The following GCSAM variants were observed in gnomAD, a reference collection of about 807,000 sequenced individuals.
The protein encoded by GCSAM is germinal center associated signaling and motility.
In GCSAM, 8 loss-of-function variants were observed where a neutral mutation model predicts 17.6. That is an observed-to-expected ratio of 0.46 (90% CI 0.27 to 0.82). The LOEUF (loss-of-function observed/expected upper bound fraction) is 0.82, where lower values mean the gene tolerates loss of function less well. Among genes scored for constraint, GCSAM ranks in the 40% least tolerant of loss-of-function variants. The probability of loss-of-function intolerance (pLI) is 0.15; values close to 1 mark genes in which losing one functional copy is unlikely to be tolerated. For synonymous variants in GCSAM, 68 were observed against 69.0 expected, an observed-to-expected ratio of 0.98 and a Z score of 0.07; for missense variants, 192 against 213.5, an observed-to-expected ratio of 0.90 and a Z score of 0.63.
rs2074237378 is a variant in GCSAM, at chr3:112,123,439, T to C, written c.*16A>G. 6.2e-7 allele frequency: 1 copy of C among 1,609,926 alleles called. No homozygotes were observed. Among genetic ancestry groups the C allele is most frequent in the African/African-American group, 1.3e-5 (1 of 74,812 alleles). ...TTATTTGTTGGTGCTAAACAAATGCTAGTCCAGCCACTTCACTATAAATGG... is the reference window on the plus strand; with the variant it reads ...TTATTTGTTGGTGCTAAACAAATGCCAGTCCAGCCACTTCACTATAAATGG... On this transcript the variant is annotated 3_prime_UTR_variant, in exon 6 of 6. Coordinates refer to ENST00000308910, the MANE Select transcript of GCSAM (RefSeq NM_152785.5).
intron 1 of GCSAM, 105 bp from the exon 2 acceptor site, chr3:112,130,618 C>G (rs2074430706): frequency 1.0e-6 from 1 of 1,001,610 alleles, no homozygotes; most frequent in Non-Finnish European, 1.6e-6. Flanking sequence ...TTGTGTGTAA[C>G]TCAGAAATTG....
At chr3:112,130,415 T>TG (rs764224574) in intron 2 of GCSAM, 30 bp downstream of exon 2, 9 of 1,590,482 alleles carry the variant, frequency 5.7e-6, no homozygotes, top group East Asian at 2.2e-5. Context: ...GGGCAAGGTC[T>TG]GGGGGGTGTT....
At position 112,122,177 on chromosome 3, in the gene GCSAM, T is replaced by C. The variant is rs2074213524; in HGVS notation, c.*1278A>G. Reference sequence around the variant, plus strand: ...ATGCATCAGTAACCAAACACATTTCTGTTAAGTTTCTCTCAAACTATAATC... The same window carrying C: ...ATGCATCAGTAACCAAACACATTTCCGTTAAGTTTCTCTCAAACTATAATC... On this transcript the variant is annotated 3_prime_UTR_variant, in exon 6 of 6. Transcript: ENST00000308910. 6.6e-6 allele frequency: 1 copy of C among 152,270 alleles called. No individual in the cohort carries two copies. The highest frequency in any genetic ancestry group is 1.5e-5 in the Non-Finnish European group (1 of 68,046). 9.4% of individuals were successfully genotyped at this position (152,270 alleles called of 1,614,324 possible).
intron 2 of GCSAM, 139 bp from the exon 3 acceptor site, chr3:112,128,200 A>G (rs748932102): frequency 4.1e-6 from 3 of 738,468 alleles, no homozygotes; most frequent in Middle Eastern, 2.3e-4. Flanking sequence ...ACTTGGACAC[A>G]TCTCTCATGG....
At chr3:112,125,332 A>G in intron 4 of GCSAM, 78 bp from the exon 5 acceptor site, 1 of 984,808 alleles carries the variant, frequency 1.0e-6, no homozygotes, top group East Asian at 2.4e-5. Flanking sequence ...GCTAGAATAT[A>G]AATAACTAAA....
intron 1 of GCSAM, among the ~76,000 whole-genome samples, chr3:112,132,343 C>T (rs939003542): frequency 2.0e-5 from 3 of 152,092 alleles, no homozygotes; most frequent in Non-Finnish European, 4.4e-5. Context: ...CCCTCTGGCT[C>T]GCTTACTCTC....
At chr3:112,130,313 A>C in intron 2 of GCSAM, 132 bp downstream of exon 2, 1 of 751,704 alleles carries the variant, frequency 1.3e-6, no homozygotes, top group Admixed American at 2.0e-5. Flanking sequence ...TCCTGTCTTC[A>C]CATTTGTTAC....
chr3:112,131,774 GTCTTA>G (rs2074458885), intron 1 of GCSAM, among the ~76,000 whole-genome samples: 1 of 152,150 alleles, frequency 6.6e-6, no homozygotes, highest in South Asian at 2.1e-4. Flanking sequence ...GAGTTGATTT[GTCTTA>G]TCTTAGGAAG....
In GCSAM at chr3:112,123,665, A is replaced by G. The variant is rs745615950; in HGVS notation, c.327T>C (p.Asn109=). 6.2e-7 allele frequency: 1 copy of G among 1,614,180 alleles called. No individual in the cohort carries two copies. Among genetic ancestry groups the G allele is most frequent in the Admixed American group, 1.7e-5 (1 of 60,032 alleles). The change falls in exon 6 of 6, where the codon AAT becomes AAC. Residue 109 remains asparagine, a synonymous_variant. Transcript: ENST00000308910. ...SGNSAEEYYE[N]VPCKAERPRE... is the part of the protein sequence containing the mutation. The stretch of plus-strand genomic sequence containing the variant: ...TGGGTCTCTCAGCTTTGCAGGGAAC[A>G]TTCTCATAGTACTCTTCAGCAGAGT...
rs1282460078 is a variant in GCSAM at position 112,123,755 on chromosome 3, G to A, written c.237C>T (p.Thr79=). The A allele has an allele frequency of 6.2e-7, 1 of 1,612,856 alleles. No homozygotes were observed. The highest frequency in any genetic ancestry group is 1.1e-5 in the South Asian group (1 of 90,970). The change falls in exon 6 of 6, where the codon ACC becomes ACT. Residue 79 remains threonine, a synonymous_variant. Transcript: ENST00000308910. ...GGGTATAGCACAGCTCCTCTGAGTA[G>A]GTCTGGTCAACATTGTCCTGCTTGT... ...STPIQDNVDQ[T]YSEELCYTLI...
chr3:112,125,210 G>A lies in GCSAM; in HGVS notation c.219+16C>T. 1 of 1,526,404 alleles carries A rather than the reference G, an allele frequency of 6.6e-7. No individual in the cohort carries two copies. Among genetic ancestry groups the A allele is most frequent in the South Asian group, 1.1e-5 (1 of 89,320 alleles). 94.6% of individuals were successfully genotyped at this position (1,526,404 alleles called of 1,614,324 possible). On this transcript the variant is annotated intron_variant, in intron 5 of 5. Transcript: ENST00000308910. ...TATCATCATCTCAAAAAATAGCTTAGAGATGTTCTTATTACCTGGATGGGA... is the reference window on the plus strand; with the variant it reads ...TATCATCATCTCAAAAAATAGCTTAAAGATGTTCTTATTACCTGGATGGGA...
rs1276464754 is a variant in GCSAM, at chr3:112,121,245, A to G, written c.*2210T>C. ...ATATTTCAACCAGTCTACTTCCACA[A>G]TGGTCCAGTGGCCATGTGAAAAATT... is the stretch of plus-strand genomic sequence containing the variant. On this transcript the variant is annotated 3_prime_UTR_variant, in exon 6 of 6. Coordinates refer to ENST00000308910, the MANE Select transcript of GCSAM (RefSeq NM_152785.5). 2 of 152,184 alleles carry G rather than the reference A, an allele frequency of 1.3e-5. No homozygotes were observed. Among genetic ancestry groups the G allele is most frequent in the Admixed American group, 6.5e-5 (1 of 15,268 alleles). The allele number at this position is 152,184 out of a possible 1,614,324, so 9.4% of individuals were successfully genotyped here.
At position 112,122,006 on chromosome 3, in the gene GCSAM, T is replaced by C. The variant is rs1468113161; in HGVS notation, c.*1449A>G. ...CAAACTATTTTAGCATCCCTAAAATTAGGACAGTAGCCGTGAGTTAAATAA... is the reference window on the plus strand; with the variant it reads ...CAAACTATTTTAGCATCCCTAAAATCAGGACAGTAGCCGTGAGTTAAATAA... On this transcript the variant is annotated 3_prime_UTR_variant, in exon 6 of 6. Transcript: ENST00000308910. The C allele has an allele frequency of 1.3e-5, 2 of 152,214 alleles. No individual in the cohort carries two copies. The highest frequency in any genetic ancestry group is 2.4e-5 in the African/African-American group (1 of 41,442). 9.4% of individuals were successfully genotyped at this position (152,214 alleles called of 1,614,324 possible).
chr3:112,131,905 G>C (rs2107816547), intron 1 of GCSAM, among the ~76,000 whole-genome samples: 1 of 152,250 alleles, frequency 6.6e-6, no homozygotes, highest in East Asian at 1.9e-4. Flanking sequence ...AGCATAAGAT[G>C]TGTGCACCTT....
chr3:112,128,324 G>A (rs2074376841), intron 2 of GCSAM: 6 of 625,352 alleles, frequency 9.6e-6, no homozygotes, highest in Non-Finnish European at 5.9e-6. Flanking sequence ...TCTCAATTCT[G>A]GTAATTTCCT....
At position 112,131,295 on chromosome 3, in the gene GCSAM, GCT is replaced by G. The variant is rs1210114814; in HGVS notation, c.30-784_30-783del. On this transcript the variant is annotated intron_variant, in intron 1 of 5. Coordinates refer to ENST00000308910, the MANE Select transcript of GCSAM (RefSeq NM_152785.5). ...GGCAGGTCTCTTCCTCTGAGACTGA[GCT>G]CCTCTCATGAAGGGATGAGTGCCAT... Among the ~76,000 whole-genome samples the G allele has an allele frequency of 7.5e-3, 1,145 of 152,218 alleles. 15 individuals are homozygous for G. The highest frequency in any genetic ancestry group is 0.025 in the African/African-American group (1,050 of 41,532).
In GCSAM at chr3:112,120,915, ATTT is replaced by A. The variant is rs1190151479; in HGVS notation, c.*2537_*2539del. The A allele has an allele frequency of 1.3e-5, 2 of 152,140 alleles. No homozygotes were observed. The highest frequency in any genetic ancestry group is 4.8e-5 in the African/African-American group (2 of 41,420). The allele number at this position is 152,140 out of a possible 1,614,324, so 9.4% of individuals were successfully genotyped here. ...TTAAGTATATTACACTCATATCAGA[ATTT>A]TTTAACTCTTTTTTTGTTCTTAATA... On this transcript the variant is annotated 3_prime_UTR_variant, in exon 6 of 6. Coordinates refer to ENST00000308910, the MANE Select transcript of GCSAM (RefSeq NM_152785.5).
intron 5 of GCSAM, among the ~76,000 whole-genome samples, chr3:112,123,983 A>G (rs976335867): frequency 1.3e-5 from 2 of 151,730 alleles, no homozygotes; most frequent in South Asian, 2.1e-4. Flanking sequence ...GCTCAGGTGC[A>G]TCCTCTGCCC....
Position 112,130,641 on chromosome 3 carries a change from C to T in GCSAM, c.30-128G>A, listed in dbSNP as rs539113145. On this transcript the variant is annotated intron_variant, in intron 1 of 5. Coordinates refer to ENST00000308910, the MANE Select transcript of GCSAM (RefSeq NM_152785.5). ...AACTCAGAAATTGACTGGTTGCCCT[C>T]ACACATGTTAATACTGTTTCCTCAA... 190 of 811,052 alleles carry T rather than the reference C, an allele frequency of 2.3e-4. 1 individual carries two copies. The African/African-American group carries it at 2.7e-3, about 11-fold the overall frequency. The allele number at this position is 811,052 out of a possible 1,614,324, so 50.2% of individuals were successfully genotyped here.
Sources: gnomAD v4.1 joint callset for allele counts (sites outside exome capture counted in the v4.1 genomes callset) on GRCh38, gnomAD v4.1.1 for gene constraint, MANE v1.5 for transcripts, NCBI Gene and HGNC (gene_info 2026-07-23, HGNC 2026-07-21) for gene names.